The following NOVA1 variants were observed in gnomAD, a reference collection of about 807,000 sequenced individuals.
The protein encoded by NOVA1 is NOVA alternative splicing regulator 1, also known as RNA-binding protein Nova-1.
In NOVA1, 7 loss-of-function variants were observed where a neutral mutation model predicts 38.0. The observed-to-expected ratio is 0.18, with a 90% CI of 0.10 to 0.35. The LOEUF (loss-of-function observed/expected upper bound fraction) is 0.35, where lower values mean the gene tolerates loss of function less well. Among genes scored for constraint, NOVA1 ranks in the 10% least tolerant of loss-of-function variants. The pLI is 1.00. For missense variants in NOVA1, 460 were observed against 616.0 expected, an observed-to-expected ratio of 0.75 and a Z score of 2.68; for synonymous variants, 270 against 232.5, an observed-to-expected ratio of 1.16 and a Z score of -1.47.
chr14:26,568,562 C>T (rs1353514986), intron 2 of NOVA1: 1 of 152,118 alleles, frequency 6.6e-6, no homozygotes, highest in Non-Finnish European at 1.5e-5. Context: ...AATTCTCCTG[C>T]CTGAAACAAC....
At chr14:26,470,176 T>A (rs1425798440) in intron 4 of NOVA1, 1 of 878,088 alleles carries the variant, frequency 1.1e-6, no homozygotes, top group African/African-American at 1.7e-5. Context: ...TTAGTTCTTT[T>A]CATTACAATT....
At chr14:26,526,522 TACA>T (rs1889311120) in intron 2 of NOVA1, among the ~76,000 whole-genome samples, 1 of 152,078 alleles carries the variant, frequency 6.6e-6, no homozygotes, top group Non-Finnish European at 1.5e-5. Flanking sequence ...CAGCGCTGTT[TACA>T]AAAATCTTGG....
At chr14:26,578,767 G>C (rs1484590936) in intron 2 of NOVA1, among the ~76,000 whole-genome samples, 1 of 152,096 alleles carries the variant, frequency 6.6e-6, no homozygotes, top group South Asian at 2.1e-4. Context: ...CTGGGTTAAT[G>C]TCAGAGTTCA....
At chr14:26,449,802 T>G (rs1038144085) in intron 4 of NOVA1, among the ~76,000 whole-genome samples, 1 of 152,222 alleles carries the variant, frequency 6.6e-6, no homozygotes, top group African/African-American at 2.4e-5. Context: ...TTTCAGAGGA[T>G]ACTGAAAAAT....
chr14:26,484,004 T>C (rs1168629583), intron 2 of NOVA1, among the ~76,000 whole-genome samples: 1 of 152,148 alleles, frequency 6.6e-6, no homozygotes, highest in East Asian at 1.9e-4. Flanking sequence ...TTTTTTTTCT[T>C]TTCTGAGATG....
chr14:26,537,881 T>C (rs932112988), intron 2 of NOVA1, among the ~76,000 whole-genome samples: 4 of 152,134 alleles, frequency 2.6e-5, no homozygotes, highest in Admixed American at 6.5e-5. Context: ...AAACTGGGAA[T>C]AGCTCCTCTA....
chr14:26,472,809 A>T (rs914221778), intron 3 of NOVA1, among the ~76,000 whole-genome samples: 2 of 152,070 alleles, frequency 1.3e-5, no homozygotes, highest in Non-Finnish European at 2.9e-5. Context: ...GATTTGAAGA[A>T]GTGGTGAAAT....
intron 2 of NOVA1, among the ~76,000 whole-genome samples, chr14:26,502,904 T>C (rs1157569377): frequency 6.6e-6 from 1 of 152,084 alleles, no homozygotes; most frequent in Non-Finnish European, 1.5e-5. Context: ...CTTTTATTTC[T>C]ACATAAAGTG....
At chr14:26,504,293 C>T (rs1042418482) in intron 2 of NOVA1, among the ~76,000 whole-genome samples, 6 of 152,108 alleles carry the variant, frequency 3.9e-5, no homozygotes, top group Non-Finnish European at 7.4e-5. Flanking sequence ...GAAATGTATA[C>T]TTAACGTGTC....
intron 2 of NOVA1, among the ~76,000 whole-genome samples, chr14:26,517,176 A>T (rs1425611016): frequency 6.6e-6 from 1 of 152,050 alleles, no homozygotes; most frequent in Non-Finnish European, 1.5e-5. Flanking sequence ...AAATGCTGGG[A>T]TTACAGGTGT....
rs1335986287 is a variant in NOVA1, at chr14:26,472,411, A to G, written c.448-20T>C. On this transcript the variant is annotated intron_variant, in intron 3 of 4. Transcript: ENST00000539517. ...CAATGTCTGGGAAACAAAGCAGTTC[A>G]GGAGCAAATCAACCTTTATAAGCCT... 7.2e-7 allele frequency: 1 copy of G among 1,382,684 alleles called. No homozygotes were observed. Among genetic ancestry groups the G allele is most frequent in the Non-Finnish European group, 9.8e-7 (1 of 1,018,506 alleles). 85.7% of individuals were successfully genotyped at this position (1,382,684 alleles called of 1,614,324 possible). A position where few individuals can be genotyped will look rare whatever the true frequency, so the allele number is the denominator to read the frequency against.
chr14:26,597,119 A>T, intron 1 of NOVA1, 182 bp downstream of exon 1: 1 of 1,181,714 alleles, frequency 8.5e-7, no homozygotes, highest in Non-Finnish European at 1.1e-6. Flanking sequence ...GGGGACACCT[A>T]GGCGCGGGGC....
At chr14:26,494,002 T>C (rs1886563386) in intron 2 of NOVA1, among the ~76,000 whole-genome samples, 1 of 152,134 alleles carries the variant, frequency 6.6e-6, no homozygotes, top group Admixed American at 6.5e-5. Flanking sequence ...CTGCCCATCT[T>C]CCTCTAAGAG....
intron 2 of NOVA1, among the ~76,000 whole-genome samples, chr14:26,547,106 T>C (rs909152350): frequency 2.0e-5 from 3 of 152,146 alleles, no homozygotes; most frequent in African/African-American, 7.2e-5. Flanking sequence ...AAAATTATAA[T>C]GAGAAAGGAT....
intron 2 of NOVA1, among the ~76,000 whole-genome samples, chr14:26,552,945 T>C (rs961306046): frequency 1.3e-5 from 2 of 152,158 alleles, no homozygotes; most frequent in African/African-American, 4.8e-5. Context: ...GATCAAAAAC[T>C]TAACCTGCAG....
chr14:26,448,876 C>A lies in NOVA1; in HGVS notation c.607G>T (p.Ala203Ser), dbSNP rs376072746. The A allele has an allele frequency of 1.0e-4, 162 of 1,613,990 alleles. No homozygotes were observed. Among genetic ancestry groups the A allele is most frequent in the Non-Finnish European group, 1.3e-4 (153 of 1,180,036 alleles). ...GGTTTCTGGGAAAGCTGCACCCAAG[C>A]CCCTGACTGCTCCATTACAGCCTTC... ...TVKAVMEQSG[A>S]WVQLSQKPDG... Residue 203 changes from alanine to serine, a missense_variant, in exon 5 of 5, where the codon GCT becomes TCT. Ala to Ser is a moderately conservative substitution (Grantham distance 99, BLOSUM62 1). Coordinates refer to ENST00000539517, the MANE Select transcript of NOVA1 (RefSeq NM_002515.3). This position sits in a 1 kb window ranked among gnomAD's most constrained non-coding sequence, Gnocchi z 5.3.
chr14:26,549,773 T>C, intron 2 of NOVA1: 2 of 1,288,030 alleles, frequency 1.6e-6, no homozygotes, highest in East Asian at 5.6e-5. Flanking sequence ...CTTCTGCAGC[T>C]GTCAGCACCT....
chr14:26,448,234 T>C lies in NOVA1; in HGVS notation c.1249A>G (p.Thr417Ala). The C allele has an allele frequency of 6.2e-7, 1 of 1,614,244 alleles. No homozygotes were observed. Among genetic ancestry groups the C allele is most frequent in the African/African-American group, 1.3e-5 (1 of 75,080 alleles). ...TCAACTACATCCTTGGATCCATCTGTGGACTTTTCTGTTCCTAGAATGGCA... is the reference window on the plus strand; with the variant it reads ...TCAACTACATCCTTGGATCCATCTGCGGACTTTTCTGTTCCTAGAATGGCA... ...ASAILGTEKS[T>A]DGSKDVVEIA... is the part of the protein sequence containing the mutation. The change falls in exon 5 of 5, where the codon ACA (threonine) becomes GCA (alanine). Residue 417 changes from threonine (T) to alanine (A), a missense_variant. Transcript: ENST00000539517. The surrounding 1 kb of genome is among the most constrained non-coding windows in gnomAD (Gnocchi z 5.3).
Position 26,479,984 on chromosome 14 carries a change from A to T in NOVA1, c.440T>A (p.Ile147Asn), listed in dbSNP as rs997672578. The change falls in exon 3 of 5, where the codon ATC (isoleucine) becomes AAC (asparagine). Residue 147 changes from isoleucine (I) to asparagine (N), a missense_variant. Coordinates refer to ENST00000539517, the MANE Select transcript of NOVA1 (RefSeq NM_002515.3). ...TCTCAACTAAACACTCACTTGTTTGATGCGATCTGGATTAACGGTGGTCTG... is the reference window on the plus strand; with the variant it reads ...TCTCAACTAAACACTCACTTGTTTGTTGCGATCTGGATTAACGGTGGTCTG... ...QPQTTVNPDRIKQTLPSSPTT... is the reference protein window; with the variant it reads ...QPQTTVNPDRNKQTLPSSPTT... 6.2e-7 allele frequency: 1 copy of T among 1,613,726 alleles called. No individual in the cohort carries two copies. The highest frequency in any genetic ancestry group is 8.5e-7 in the Non-Finnish European group (1 of 1,179,850).
Sources: allele counts gnomAD v4.1 joint callset (sites outside exome capture counted in the v4.1 genomes callset), GRCh38; gene constraint gnomAD v4.1.1; non-coding constraint Gnocchi (gnomAD v3.1); transcripts MANE v1.5; gene names NCBI Gene and HGNC (gene_info 2026-07-23, HGNC 2026-07-21).